Variants in HEMK2 observed in about 807,000 individuals in gnomAD.
The protein encoded by HEMK2 is methyltransferase HEMK2.
chr21:28,668,421 T>C, the HEMK2 span, among the ~76,000 whole-genome samples: 49 of 152,322 alleles, frequency 3.2e-4, no homozygotes, highest in Admixed American at 2.9e-3. Flanking sequence ...CTAAGACTTA[T>C]AACATCGCTC....
At chr21:28,664,415 C>A in the HEMK2 span, among the ~76,000 whole-genome samples, 1 of 152,136 alleles carries the variant, frequency 6.6e-6, no homozygotes, top group East Asian at 1.9e-4. Context: ...TAGGCCCACA[C>A]TTTGAAGGAG....
the HEMK2 span, among the ~76,000 whole-genome samples, chr21:28,794,326 CTTCT>C: frequency 1.3e-5 from 2 of 152,144 alleles, no homozygotes; most frequent in African/African-American, 2.4e-5. Context: ...AACTAAAATT[CTTCT>C]TTCTAAGATA....
the HEMK2 span, among the ~76,000 whole-genome samples, chr21:28,831,550 G>GGAAGGAAA: frequency 7.6e-5 from 5 of 66,098 alleles, no homozygotes; most frequent in Non-Finnish European, 1.3e-4. Flanking sequence ...AAGGAAAGAA[G>GGAAGGAAA]GAAAGAAGGA....
the HEMK2 span, chr21:28,876,510 G>T: frequency 6.4e-7 from 1 of 1,558,610 alleles, no homozygotes; most frequent in Non-Finnish European, 8.8e-7. Flanking sequence ...AAAATCAAAA[G>T]GTAAAATCCA....
At chr21:28,603,344 T>A in the HEMK2 span, among the ~76,000 whole-genome samples, 468 of 152,250 alleles carry the variant, frequency 3.1e-3, 3 homozygotes, top group African/African-American at 0.011. Flanking sequence ...AGCCCCCCTT[T>A]TCTTATTCTA....
At chr21:28,677,461 A>G in the HEMK2 span, among the ~76,000 whole-genome samples, 1 of 152,168 alleles carries the variant, frequency 6.6e-6, no homozygotes, top group African/African-American at 2.4e-5. Flanking sequence ...TGTAGACTCC[A>G]CCTCTGGGGG....
At chr21:28,669,728 T>C in the HEMK2 span, among the ~76,000 whole-genome samples, 1 of 152,188 alleles carries the variant, frequency 6.6e-6, no homozygotes, top group Non-Finnish European at 1.5e-5. Flanking sequence ...AGCAGTTAGA[T>C]CAATCCATCT....
the HEMK2 span, among the ~76,000 whole-genome samples, chr21:28,613,940 T>A: frequency 7.0e-3 from 1 of 142 alleles, no homozygotes; most frequent in Non-Finnish European, 0.012. Flanking sequence ...TACCCATGAC[T>A]TTCTCCCCAC....
At chr21:28,837,577 C>T in the HEMK2 span, among the ~76,000 whole-genome samples, 2 of 152,068 alleles carry the variant, frequency 1.3e-5, no homozygotes, top group African/African-American at 4.8e-5. Flanking sequence ...TCCCTAAACA[C>T]GTACATCAAA....
At chr21:28,802,748 T>C in the HEMK2 span, among the ~76,000 whole-genome samples, 6 of 152,034 alleles carry the variant, frequency 3.9e-5, no homozygotes, top group African/African-American at 1.2e-4. Flanking sequence ...AATAAAAAAT[T>C]AAAAAAGAAA....
chr21:28,619,881 A>G, the HEMK2 span, among the ~76,000 whole-genome samples: 1 of 152,226 alleles, frequency 6.6e-6, no homozygotes, highest in Admixed American at 6.5e-5. Context: ...TAAACACCAC[A>G]TGACTTCGTA....
chr21:28,878,700 A>G, the HEMK2 span, among the ~76,000 whole-genome samples: 1 of 151,806 alleles, frequency 6.6e-6, no homozygotes, highest in African/African-American at 2.4e-5. Flanking sequence ...TGCCCTGCGT[A>G]TATCAAGGGC....
At chr21:28,598,204 G>C in the HEMK2 span, among the ~76,000 whole-genome samples, 1 of 152,196 alleles carries the variant, frequency 6.6e-6, no homozygotes, top group Non-Finnish European at 1.5e-5. Context: ...GCCTTTGAAA[G>C]TTTCTGCCTG....
At chr21:28,700,470 A>G in the HEMK2 span, among the ~76,000 whole-genome samples, 1 of 152,174 alleles carries the variant, frequency 6.6e-6, no homozygotes, top group Non-Finnish European at 1.5e-5. Context: ...ATTACCGCCA[A>G]CCCCACAGAA....
the HEMK2 span, among the ~76,000 whole-genome samples, chr21:28,610,184 C>A: frequency 2.6e-5 from 4 of 152,102 alleles, no homozygotes; most frequent in Non-Finnish European, 5.9e-5. Context: ...ATAAAGAAAA[C>A]CCTGTCTGAT....
chr21:28,587,185 A>C, the HEMK2 span, among the ~76,000 whole-genome samples: 88 of 152,114 alleles, frequency 5.8e-4, no homozygotes, highest in African/African-American at 2.0e-3. Context: ...CAAAAAAAAA[A>C]AAAACACTTC....
At chr21:28,697,132 T>C in the HEMK2 span, among the ~76,000 whole-genome samples, 93 of 152,370 alleles carry the variant, frequency 6.1e-4, no homozygotes, top group East Asian at 0.01. Context: ...TCATTACTTA[T>C]GCAATTTTCT....
chr21:28,592,945 C>A, the HEMK2 span, among the ~76,000 whole-genome samples: 2 of 152,126 alleles, frequency 1.3e-5, no homozygotes, highest in African/African-American at 4.8e-5. Context: ...GCCAAACAAC[C>A]ACAGATTATC....
At chr21:28,774,620 AG>A in the HEMK2 span, among the ~76,000 whole-genome samples, 1 of 152,188 alleles carries the variant, frequency 6.6e-6, no homozygotes, top group Non-Finnish European at 1.5e-5. Context: ...GCCCATATAC[AG>A]AACTATTCAG....
Sources: allele counts gnomAD v4.1 joint callset (sites outside exome capture counted in the v4.1 genomes callset), GRCh38; gene constraint gnomAD v4.1.1; transcripts MANE v1.5; gene names NCBI Gene and HGNC (gene_info 2026-07-23, HGNC 2026-07-21).